The following CNTN1 variants were observed in gnomAD, a reference collection of about 807,000 sequenced individuals.
The protein encoded by CNTN1 is contactin 1.
In CNTN1, 38 loss-of-function variants were observed where a neutral mutation model predicts 126.4. The observed-to-expected ratio is 0.30, with a 90% confidence interval of 0.23 to 0.39. The LOEUF (loss-of-function observed/expected upper bound fraction) is 0.39, where lower values mean the gene tolerates loss of function less well. CNTN1 is among the 10% of genes least tolerant of loss of function. CNTN1 has a pLI of 1.00. For synonymous variants in CNTN1, 413 were observed against 422.6 expected (o/e 0.98, Z 0.28); for missense variants, 1,009 against 1,248.4 (o/e 0.81, Z 2.89).
intron 15 of CNTN1, chr12:40,971,606 TC>T: frequency 1.3e-6 from 2 of 1,519,336 alleles, no homozygotes; most frequent in Middle Eastern, 1.7e-4. Context: ...TCTGCAGTTC[TC>T]CCCACCCCCA....
chr12:40,839,743 A>T (rs893754429), intron 1 of CNTN1, among the ~76,000 whole-genome samples: 1 of 152,184 alleles, frequency 6.6e-6, no homozygotes, highest in African/African-American at 2.4e-5. Flanking sequence ...CATAACCACT[A>T]GACCAGTCCT....
At chr12:40,830,960 T>TAC (rs534288235) in intron 1 of CNTN1, among the ~76,000 whole-genome samples, 20,157 of 120,718 alleles carry the variant, frequency 0.17, 1,583 homozygotes, top group South Asian at 0.28. Flanking sequence ...TATATATATA[T>TAC]ATACACACAC....
At chr12:40,876,978 C>G (rs953072324) in intron 1 of CNTN1, among the ~76,000 whole-genome samples, 1 of 152,004 alleles carries the variant, frequency 6.6e-6, no homozygotes, top group Non-Finnish European at 1.5e-5. Context: ...GTTTCAAAAC[C>G]TAGGCACTCA....
At chr12:40,715,681 T>A (rs778268947) in intron 1 of CNTN1, among the ~76,000 whole-genome samples, 1 of 152,168 alleles carries the variant, frequency 6.6e-6, no homozygotes, top group Non-Finnish European at 1.5e-5. Flanking sequence ...GCTTTTTCAT[T>A]AACTGATTTC....
intron 23 of CNTN1, among the ~76,000 whole-genome samples, chr12:41,046,500 A>G (rs1949542443): frequency 2.0e-5 from 3 of 152,126 alleles, no homozygotes; most frequent in Non-Finnish European, 4.4e-5. Context: ...ATGTGTTAGT[A>G]ACTTACATTT....
chr12:40,887,702 GACACATGC>G (rs1217191715), intron 1 of CNTN1, among the ~76,000 whole-genome samples: 4 of 151,890 alleles, frequency 2.6e-5, no homozygotes, highest in African/African-American at 9.7e-5. Context: ...CTGCTATAAA[GACACATGC>G]ACACGTATGT....
At chr12:41,067,129 C>T (rs1051644093) in intron 23 of CNTN1, among the ~76,000 whole-genome samples, 2 of 152,094 alleles carry the variant, frequency 1.3e-5, no homozygotes, top group African/African-American at 2.4e-5. Flanking sequence ...TACTTCAATT[C>T]GGTCTCTAAT....
At chr12:40,729,932 CT>C (rs1942451162) in intron 1 of CNTN1, 1 of 152,892 alleles carries the variant, frequency 6.5e-6, no homozygotes, top group South Asian at 2.1e-4. Context: ...TCAATAGTAC[CT>C]TCTTACTGTA....
chr12:40,707,083 CACACA>C (rs1440880774), intron 1 of CNTN1, among the ~76,000 whole-genome samples: 2 of 136,698 alleles, frequency 1.5e-5, no homozygotes, highest in African/African-American at 2.8e-5. Flanking sequence ...CACACACACA[CACACA>C]CCCCTGCTCA....
At chr12:40,795,119 G>A (rs1167992948) in intron 1 of CNTN1, among the ~76,000 whole-genome samples, 1 of 152,054 alleles carries the variant, frequency 6.6e-6, no homozygotes, top group Non-Finnish European at 1.5e-5. Context: ...AGGATTCTCA[G>A]ATAAGAGAAA....
At chr12:40,801,988 AAT>A (rs1940675882) in intron 1 of CNTN1, among the ~76,000 whole-genome samples, 1 of 151,906 alleles carries the variant, frequency 6.6e-6, no homozygotes, top group Non-Finnish European at 1.5e-5. Flanking sequence ...AGATGGATAC[AAT>A]ATATAATTAG....
intron 1 of CNTN1, among the ~76,000 whole-genome samples, chr12:40,736,118 G>C (rs11613963): frequency 6.6e-6 from 1 of 151,834 alleles, no homozygotes; most frequent in Non-Finnish European, 1.5e-5. Context: ...GTGAGCCAGG[G>C]CCAGTTTCTC....
At chr12:41,061,759 C>G (rs558151616) in intron 23 of CNTN1, 2 of 455,608 alleles carry the variant, frequency 4.4e-6, no homozygotes, top group African/African-American at 4.0e-5. Flanking sequence ...TATCATTTTA[C>G]AGAAGGAAAA....
intron 16 of CNTN1, among the ~76,000 whole-genome samples, chr12:40,985,054 AT>A (rs553183331): frequency 7.0e-4 from 107 of 151,802 alleles, no homozygotes; most frequent in South Asian, 5.8e-3. Context: ...AAGAACTTTA[AT>A]TTTTTTTTGT....
chr12:40,932,740 A>G (rs1945934916), intron 7 of CNTN1, among the ~76,000 whole-genome samples: 2 of 151,552 alleles, frequency 1.3e-5, no homozygotes, highest in Admixed American at 6.6e-5. Flanking sequence ...CTCATCAGTC[A>G]CTCTTTCAAA....
chr12:40,892,218 A>G (rs748773634), intron 1 of CNTN1, among the ~76,000 whole-genome samples: 10 of 152,092 alleles, frequency 6.6e-5, no homozygotes, highest in Non-Finnish European at 1.5e-4. Context: ...TGATGTATAG[A>G]CTGGATGCGA....
At chr12:40,987,180 A>G (rs1268131671) in intron 16 of CNTN1, among the ~76,000 whole-genome samples, 1 of 152,222 alleles carries the variant, frequency 6.6e-6, no homozygotes. Context: ...GTTTTTATTT[A>G]TAATGTGACC....
intron 1 of CNTN1, among the ~76,000 whole-genome samples, chr12:40,878,692 C>T (rs1456823546): frequency 6.6e-6 from 1 of 152,214 alleles, no homozygotes; most frequent in Non-Finnish European, 1.5e-5. Flanking sequence ...AGTAATAACA[C>T]ATTTTTGTAA....
At chr12:40,939,879 C>G (rs1946205651) in intron 12 of CNTN1, among the ~76,000 whole-genome samples, 1 of 151,886 alleles carries the variant, frequency 6.6e-6, no homozygotes, top group Admixed American at 6.6e-5. Context: ...TGCAGTTAGC[C>G]TATTAAATAT....
Sources: allele counts gnomAD v4.1 joint callset (sites outside exome capture counted in the v4.1 genomes callset), GRCh38; gene constraint gnomAD v4.1.1; transcripts MANE v1.5; gene names NCBI Gene and HGNC (gene_info 2026-07-23, HGNC 2026-07-21).